RBFOX1: variants seen among roughly 807,000 people sequenced by gnomAD.
RBFOX1 encodes RNA binding fox-1 homolog 1.
A neutral mutation model predicts 57.7 loss-of-function variants in RBFOX1; 8 were observed. That is an observed-to-expected ratio of 0.14 (90% CI 0.08 to 0.25). RBFOX1 has a LOEUF of 0.25. RBFOX1 is among the 10% of genes least tolerant of loss of function. RBFOX1 has a pLI of 1.00. For synonymous variants in RBFOX1, 326 were observed against 222.4 expected (o/e 1.47, Z -4.15); for missense variants, 611 against 548.5 (o/e 1.11, Z -1.14).
chr16:6,531,479 T>G (rs1204159776), intron 2 of RBFOX1, among the ~76,000 whole-genome samples: 2 of 152,236 alleles, frequency 1.3e-5, no homozygotes, highest in Non-Finnish European at 2.9e-5. Flanking sequence ...TTAGGACAGG[T>G]TCTCATGAAC....
chr16:6,011,156 A>T (rs1425795570), intron 4 of RBFOX1, among the ~76,000 whole-genome samples: 1 of 152,226 alleles, frequency 6.6e-6, no homozygotes, highest in East Asian at 1.9e-4. Context: ...AATAGAGGGA[A>T]CATTTTCGCC....
intron 2 of RBFOX1, among the ~76,000 whole-genome samples, chr16:6,363,332 G>A (rs1738288236): frequency 6.6e-6 from 1 of 152,056 alleles, no homozygotes; most frequent in South Asian, 2.1e-4. Context: ...AAGGGCCGAG[G>A]GAAAAATAAA....
chr16:7,323,002 A>T (rs901720746), intron 4 of RBFOX1, among the ~76,000 whole-genome samples: 1 of 151,904 alleles, frequency 6.6e-6, no homozygotes, highest in Non-Finnish European at 1.5e-5. Flanking sequence ...CCAGCCATCA[A>T]AGTCTTCTCC....
At chr16:6,679,871 T>A (rs2058346299) in intron 3 of RBFOX1, among the ~76,000 whole-genome samples, 1 of 141,482 alleles carries the variant, frequency 7.1e-6, no homozygotes. Flanking sequence ...AGCCATAGTT[T>A]CTACTTGTTT....
chr16:6,332,169 A>C (rs1482856283), intron 2 of RBFOX1, among the ~76,000 whole-genome samples: 1 of 152,212 alleles, frequency 6.6e-6, no homozygotes, highest in Non-Finnish European at 1.5e-5. Flanking sequence ...GCCTCATTTA[A>C]GGTTTGAGGA....
intron 1 of RBFOX1, among the ~76,000 whole-genome samples, chr16:5,315,270 G>T (rs530681115): frequency 2.0e-5 from 3 of 152,298 alleles, no homozygotes; most frequent in Admixed American, 1.3e-4. Flanking sequence ...CCGTCCGTCT[G>T]TCCAGGTGAA....
chr16:7,302,709 C>T (rs964056217), intron 4 of RBFOX1, among the ~76,000 whole-genome samples: 1 of 146,924 alleles, frequency 6.8e-6, no homozygotes, highest in African/African-American at 2.5e-5. Flanking sequence ...TTCCTGATCA[C>T]GATTTTATTG....
At chr16:5,682,817 C>G (rs1398682140) in intron 3 of RBFOX1, among the ~76,000 whole-genome samples, 1 of 152,146 alleles carries the variant, frequency 6.6e-6, no homozygotes, top group Non-Finnish European at 1.5e-5. Flanking sequence ...AACTGGCAGT[C>G]TGATATGTGA....
chr16:6,236,232 T>C (rs191262280), intron 1 of RBFOX1, among the ~76,000 whole-genome samples: 211 of 152,282 alleles, frequency 1.4e-3, no homozygotes, highest in African/African-American at 4.4e-3. Context: ...GAGTCAGCCC[T>C]GATTGAATTC....
At chr16:6,781,665 C>G (rs141329774) in intron 3 of RBFOX1, among the ~76,000 whole-genome samples, 2 of 151,868 alleles carry the variant, frequency 1.3e-5, no homozygotes, top group East Asian at 1.9e-4. Context: ...TTTTTTATGT[C>G]CAGGAATTTA....
chr16:6,854,009 A>G (rs1206535340), intron 3 of RBFOX1, among the ~76,000 whole-genome samples: 1 of 152,196 alleles, frequency 6.6e-6, no homozygotes, highest in Non-Finnish European at 1.5e-5. Context: ...GCCAGAAAGA[A>G]AGAAAGGTAG....
intron 1 of RBFOX1, among the ~76,000 whole-genome samples, chr16:6,126,084 C>A (rs1043753967): frequency 6.6e-6 from 1 of 152,178 alleles, no homozygotes; most frequent in African/African-American, 2.4e-5. Context: ...ATTGAACAGT[C>A]AGATTTCCAA....
intron 4 of RBFOX1, among the ~76,000 whole-genome samples, chr16:7,482,245 A>T (rs1364723386): frequency 6.6e-6 from 1 of 152,224 alleles, no homozygotes; most frequent in African/African-American, 2.4e-5. Context: ...GTAAGAGCTC[A>T]AACAGTGTCA....
intron 10 of RBFOX1, among the ~76,000 whole-genome samples, chr16:7,612,491 G>A (rs969574341): frequency 3.3e-5 from 5 of 151,804 alleles, no homozygotes; most frequent in African/African-American, 4.8e-5. Context: ...CCAGTAGCAG[G>A]CCTCATGTTA....
chr16:7,466,241 C>A (rs2060497546), intron 4 of RBFOX1, among the ~76,000 whole-genome samples: 2 of 152,206 alleles, frequency 1.3e-5, no homozygotes, highest in African/African-American at 4.8e-5. Flanking sequence ...TACAGCTCTA[C>A]TCTGAAGTAT....
chr16:5,900,874 C>A (rs2058289816), intron 4 of RBFOX1, among the ~76,000 whole-genome samples: 1 of 152,194 alleles, frequency 6.6e-6, no homozygotes, highest in Non-Finnish European at 1.5e-5. Flanking sequence ...TTCCAAAAAA[C>A]CAAGTCTACA....
At chr16:5,762,221 G>A (rs1208545781) in intron 3 of RBFOX1, among the ~76,000 whole-genome samples, 2 of 152,040 alleles carry the variant, frequency 1.3e-5, no homozygotes, top group East Asian at 3.9e-4. Flanking sequence ...CTGTGAATAA[G>A]CAGTTCACAA....
intron 3 of RBFOX1, among the ~76,000 whole-genome samples, chr16:5,794,896 C>A (rs1403087010): frequency 6.6e-6 from 1 of 152,142 alleles, no homozygotes; most frequent in African/African-American, 2.4e-5. Context: ...GAAGCTACCC[C>A]ATCACATGGG....
Position 7,673,522 on chromosome 16 carries a change from C to G in RBFOX1, c.931-3252C>G, listed in dbSNP as rs1424861729. Among the ~76,000 whole-genome samples the G allele has an allele frequency of 7.2e-5, 11 of 152,268 alleles. No homozygotes were observed. In the South Asian group the frequency reaches 2.3e-3, roughly 32 times the overall value. Reference sequence around the variant, plus strand: ...AGGAGTTTGACAGCAGCCTAGGCAACATAGTGAGACCCCATCTCTAGTAGT... The same window carrying G: ...AGGAGTTTGACAGCAGCCTAGGCAAGATAGTGAGACCCCATCTCTAGTAGT... On this transcript the variant is annotated intron_variant, in intron 13 of 15. Transcript: ENST00000550418.
Sources: gnomAD v4.1 joint callset for allele counts (sites outside exome capture counted in the v4.1 genomes callset) on GRCh38, gnomAD v4.1.1 for gene constraint, MANE v1.5 for transcripts, NCBI Gene and HGNC (gene_info 2026-07-23, HGNC 2026-07-21) for gene names.